Variants in CNGA3 observed in about 807,000 individuals in gnomAD.
CNGA3 encodes cyclic nucleotide gated channel subunit alpha 3, also known as cyclic nucleotide-gated channel alpha-3.
CNGA3 carries 42 observed loss-of-function variants against 46.6 expected under a neutral mutation model. The ratio of observed to expected loss-of-function variants is 0.90; its 90% confidence interval spans 0.70 to 1.17. The LOEUF is 1.17. Among genes scored for constraint, CNGA3 ranks in the 50% most tolerant of loss-of-function variants. The probability of loss-of-function intolerance (pLI) is 0.00; values close to 1 mark genes in which losing one functional copy is unlikely to be tolerated. For synonymous variants in CNGA3, 394 were observed against 369.4 expected, an observed-to-expected ratio of 1.07 and a Z score of -0.76; for missense variants, 893 against 890.7, an observed-to-expected ratio of 1.00 and a Z score of -0.03.
At chr2:98,355,984 CT>C (rs1407623723) in intron 1 of CNGA3, 2 of 152,208 alleles carry the variant, frequency 1.3e-5, no homozygotes, top group African/African-American at 4.8e-5. Flanking sequence ...CACCAGGCCT[CT>C]TTGCCGGCTG....
intron 1 of CNGA3, chr2:98,356,078 A>C (rs961799467): frequency 3.9e-5 from 6 of 152,162 alleles, no homozygotes; most frequent in Non-Finnish European, 8.8e-5. Flanking sequence ...AGCACTGGAG[A>C]ATTTCCCTTC....
intron 5 of CNGA3, among the ~76,000 whole-genome samples, chr2:98,388,913 G>A (rs918703873): frequency 5.9e-5 from 9 of 152,240 alleles, no homozygotes; most frequent in South Asian, 2.1e-4. Context: ...CTGGGCCAGC[G>A]TGGGTCGCAT....
intron 4 of CNGA3, among the ~76,000 whole-genome samples, chr2:98,382,054 T>A (rs1271903107): frequency 6.6e-6 from 1 of 152,064 alleles, no homozygotes; most frequent in East Asian, 1.9e-4. Flanking sequence ...ACCAGACAAA[T>A]GGAGGGTTGA....
rs779710464 is a variant in CNGA3, at chr2:98,396,833, A to G, written c.1663A>G (p.Ile555Val). The change falls in exon 8 of 8, where the codon ATC (isoleucine) becomes GTC (valine). Residue 555 changes from isoleucine to valine, a missense_variant. Physicochemically the swap from Ile to Val is conservative, Grantham distance 29. Transcript: ENST00000272602. The part of the protein sequence containing the change: ...SYFGEISILN[I>V]KGSKSGNRRT... Reference sequence around the variant, plus strand: ...CTTCGGGGAGATCAGCATTCTGAACATCAAGGGGAGCAAGTCGGGGAACCG... The same window carrying G: ...CTTCGGGGAGATCAGCATTCTGAACGTCAAGGGGAGCAAGTCGGGGAACCG... The G allele has an allele frequency of 5.0e-6, 8 of 1,614,082 alleles. No individual in the cohort carries two copies. The Admixed American group carries it at 1.3e-4, about 27-fold the overall frequency.
chr2:98,366,852 C>G (rs960440007), intron 1 of CNGA3, among the ~76,000 whole-genome samples: 16 of 152,226 alleles, frequency 1.1e-4, no homozygotes, highest in Non-Finnish European at 1.9e-4. Flanking sequence ...CTGCACAGCT[C>G]TGTGCTTGAG....
intron 5 of CNGA3, among the ~76,000 whole-genome samples, chr2:98,388,802 G>A (rs1269392917): frequency 6.6e-6 from 1 of 152,200 alleles, no homozygotes; most frequent in Non-Finnish European, 1.5e-5. Context: ...TGTAGGGAAC[G>A]TCCCAAAGCC....
chr2:98,380,866 G>A (rs1482968614), intron 4 of CNGA3, among the ~76,000 whole-genome samples: 3 of 152,202 alleles, frequency 2.0e-5, no homozygotes, highest in Admixed American at 6.5e-5. Context: ...TTCAAGGGGA[G>A]CCATCCATGT....
chr2:98,396,014 T>C lies in CNGA3; in HGVS notation c.844T>C (p.Ser282Pro), dbSNP rs761958868. The C allele has an allele frequency of 6.2e-7, 1 of 1,614,226 alleles. No individual in the cohort carries two copies. The highest frequency in any genetic ancestry group is 1.1e-5 in the South Asian group (1 of 91,084). Residue 282 changes from serine (S) to proline (P), a missense_variant, in exon 8 of 8, where the codon TCC (serine) becomes CCC (proline). Around this residue, in one of 3 missense-constraint regions of CNGA3, gnomAD observed 548 missense variants for 570.8 expected, o/e 0.96. Coordinates refer to ENST00000272602, the MANE Select transcript of CNGA3 (RefSeq NM_001298.3). Reference sequence around the variant, plus strand: ...GAGGTTCAACCGCCTACTGAAGTTTTCCCGGCTCTTTGAATTCTTTGACCG... The same window carrying C: ...GAGGTTCAACCGCCTACTGAAGTTTCCCCGGCTCTTTGAATTCTTTGACCG... ...EVRFNRLLKF[S>P]RLFEFFDRTE...
chr2:98,396,108 T>A lies in CNGA3; in HGVS notation c.938T>A (p.Ile313Asn). Residue 313 changes from isoleucine (I) to asparagine (N), a missense_variant, in exon 8 of 8, where the codon ATC (isoleucine) becomes AAC (asparagine). Around this residue, in one of 3 missense-constraint regions of CNGA3, gnomAD observed 548 missense variants for 570.8 expected, o/e 0.96. Coordinates refer to ENST00000272602, the MANE Select transcript of CNGA3 (RefSeq NM_001298.3). Reference protein sequence around the residue: ...IGNLVLYILIIIHWNACIYFA... With the variant: ...IGNLVLYILINIHWNACIYFA... ...AACTTGGTCTTGTACATTCTCATCA[T>A]CATCCACTGGAATGCCTGCATCTAC... 1 of 1,614,252 alleles carries A rather than the reference T, an allele frequency of 6.2e-7. No individual in the cohort carries two copies. The highest frequency in any genetic ancestry group is 8.5e-7 in the Non-Finnish European group (1 of 1,180,044).
intron 5 of CNGA3, among the ~76,000 whole-genome samples, 163 bp from the exon 6 acceptor site, chr2:98,389,495 C>A (rs1299088878): frequency 6.6e-6 from 1 of 152,220 alleles, no homozygotes; most frequent in Admixed American, 6.5e-5. Context: ...GGCCTGCCTT[C>A]CCCTACAGGG....
chr2:98,373,030 TAC>T (rs2104183975), intron 2 of CNGA3, among the ~76,000 whole-genome samples: 1 of 152,276 alleles, frequency 6.6e-6, no homozygotes, highest in South Asian at 2.1e-4. Flanking sequence ...TGCTTTATCT[TAC>T]AGAGGCGAGA....
intron 1 of CNGA3, 91 bp from the exon 2 acceptor site, chr2:98,369,848 G>C (rs1035296991): frequency 1.3e-5 from 10 of 766,610 alleles, no homozygotes; most frequent in Non-Finnish European, 1.8e-5. Flanking sequence ...CTTGCAGGGG[G>C]GCCGCGTGCG....
At chr2:98,350,396 C>T (rs1691746849) in intron 1 of CNGA3, among the ~76,000 whole-genome samples, 1 of 152,096 alleles carries the variant, frequency 6.6e-6, no homozygotes, top group African/African-American at 2.4e-5. Flanking sequence ...ATAATCACAC[C>T]ACAAAAGTTA....
chr2:98,385,667 G>C (rs548150576), intron 5 of CNGA3, among the ~76,000 whole-genome samples: 123 of 152,290 alleles, frequency 8.1e-4, no homozygotes, highest in African/African-American at 2.8e-3. Flanking sequence ...AAGTGTATTA[G>C]TCCATTCTCA....
At chr2:98,392,002 A>G (rs1376107401) in intron 7 of CNGA3, 32 bp downstream of exon 7, 4 of 1,581,420 alleles carry the variant, frequency 2.5e-6, no homozygotes, top group Admixed American at 1.7e-5. Context: ...GGAGGGGACC[A>G]TGGCCCCCAC....
intron 1 of CNGA3, among the ~76,000 whole-genome samples, chr2:98,353,244 T>A (rs1442084183): frequency 6.6e-6 from 1 of 151,566 alleles, no homozygotes; most frequent in Non-Finnish European, 1.5e-5. Context: ...ATATATATCC[T>A]ATTGGTTCTG....
At chr2:98,370,595 C>G (rs1424924913) in intron 2 of CNGA3, among the ~76,000 whole-genome samples, 3 of 152,202 alleles carry the variant, frequency 2.0e-5, no homozygotes, top group Non-Finnish European at 4.4e-5. Flanking sequence ...GCCATCAACC[C>G]CATCAATGAC....
chr2:98,369,123 G>T (rs1396437738), intron 1 of CNGA3, among the ~76,000 whole-genome samples: 4 of 152,206 alleles, frequency 2.6e-5, no homozygotes, highest in African/African-American at 9.6e-5. Context: ...TTTGGGAAAG[G>T]GCTTTAATTT....
At chr2:98,370,850 G>A (rs138632771) in intron 2 of CNGA3, among the ~76,000 whole-genome samples, 2 of 151,632 alleles carry the variant, frequency 1.3e-5, no homozygotes, top group African/African-American at 2.4e-5. Context: ...TTTGTTTTTC[G>A]TGACAGAGTC....
Sources: allele counts gnomAD v4.1 joint callset (sites outside exome capture counted in the v4.1 genomes callset), GRCh38; gene constraint gnomAD v4.1.1; regional missense constraint gnomAD v4.1.1; transcripts MANE v1.5; gene names NCBI Gene and HGNC (gene_info 2026-07-23, HGNC 2026-07-21).